GALNT14: variants seen among roughly 807,000 people sequenced by gnomAD.
GALNT14 encodes the protein UDP-GalNAc:polypeptide N-acetylgalactosaminyltransferase 14.
GALNT14 carries 60 observed loss-of-function variants against 77.5 expected under a neutral mutation model. That is an observed-to-expected ratio of 0.77 (90% CI 0.63 to 0.96). GALNT14 has a LOEUF of 0.96. Ranked by LOEUF, GALNT14 falls within the 40% of genes least tolerant of loss-of-function variation. GALNT14 has a pLI of 0.00. For synonymous variants in GALNT14, 280 were observed against 281.7 expected, an observed-to-expected ratio of 0.99 and a Z score of 0.06; for missense variants, 710 against 731.0, an observed-to-expected ratio of 0.97 and a Z score of 0.33.
At chr2:31,045,520 T>C (rs1009012643) in intron 1 of GALNT14, among the ~76,000 whole-genome samples, 1 of 152,212 alleles carries the variant, frequency 6.6e-6, no homozygotes, top group Admixed American at 6.5e-5. Context: ...TGGAGTTCAG[T>C]GGCGCAACCT....
At position 30,929,421 on chromosome 2, in the gene GALNT14, T is replaced by C. The variant is rs1665591524; in HGVS notation, c.1125A>G (p.Pro375=). The stretch of plus-strand genomic sequence containing the variant: ...TCCCGAAGGGCCTCTCCAGGGCGAA[T>C]GGCCGGGCAGCGTAATAGTATTGCT... The part of the protein sequence containing the change: ...EYKQYYYAAR[P]FALERPFGNV... Residue 375 remains proline (P), a synonymous_variant, in exon 11 of 15, where the codon CCA becomes CCG. Coordinates refer to ENST00000349752, the MANE Select transcript of GALNT14 (RefSeq NM_024572.4). 6 of 1,614,154 alleles carry C rather than the reference T, an allele frequency of 3.7e-6. No individual in the cohort carries two copies. Among genetic ancestry groups the C allele is most frequent in the African/African-American group, 2.7e-5 (2 of 75,054 alleles).
chr2:30,996,023 CT>C (rs1670008954), intron 1 of GALNT14, among the ~76,000 whole-genome samples: 1 of 152,160 alleles, frequency 6.6e-6, no homozygotes, highest in South Asian at 2.1e-4. Flanking sequence ...AGCCTTTTTG[CT>C]CTTTTCAGAC....
At position 31,130,744 on chromosome 2, in the gene GALNT14, G is replaced by A. The variant is rs1046981687; in HGVS notation, c.129+7214C>T. Among the ~76,000 whole-genome samples the A allele has an allele frequency of 6.3e-3, 848 of 133,658 alleles. 17 individuals are homozygous for A. Among genetic ancestry groups the A allele is most frequent in the African/African-American group, 0.027 (804 of 30,098 alleles). The allele number at this position is 133,658 out of a possible 152,430, so 87.7% of individuals were successfully genotyped here. A position where few individuals can be genotyped will look rare whatever the true frequency, so the allele number is the denominator to read the frequency against. On this transcript the variant is annotated intron_variant, in intron 1 of 14. Coordinates refer to ENST00000349752, the MANE Select transcript of GALNT14 (RefSeq NM_024572.4). ...TTCCCCAGGGTACCTCTGTGTGTGT[G>A]TGTGTGTGTGTGTGTGTGTGTGTGT...
chr2:31,134,529 G>T (rs1432136026), intron 1 of GALNT14, among the ~76,000 whole-genome samples: 1 of 152,180 alleles, frequency 6.6e-6, no homozygotes, highest in Non-Finnish European at 1.5e-5. Flanking sequence ...CTGGCAAATG[G>T]CCTCCTAAAC....
intron 1 of GALNT14, among the ~76,000 whole-genome samples, chr2:31,100,165 CACTT>C (rs1160549625): frequency 2.0e-5 from 3 of 151,958 alleles, no homozygotes; most frequent in Middle Eastern, 3.2e-3. Flanking sequence ...GGTAAGTCCT[CACTT>C]AACATCATTG....
intron 1 of GALNT14, among the ~76,000 whole-genome samples, chr2:31,051,540 T>C (rs909238283): frequency 5.3e-5 from 8 of 152,172 alleles, no homozygotes; most frequent in Non-Finnish European, 1.2e-4. Context: ...TACCTGCCCT[T>C]CCAGCCTGCT....
intron 1 of GALNT14, among the ~76,000 whole-genome samples, chr2:31,091,190 C>T (rs1184877955): frequency 1.3e-5 from 2 of 152,036 alleles, no homozygotes; most frequent in African/African-American, 4.8e-5. Context: ...CCCATTTCTG[C>T]AGGACAGGGG....
At chr2:30,938,359 TACACACAC>T (rs151007812) in intron 9 of GALNT14, among the ~76,000 whole-genome samples, 34 of 140,882 alleles carry the variant, frequency 2.4e-4, no homozygotes, top group Non-Finnish European at 4.7e-4. Flanking sequence ...AGATTCCTTT[TACACACAC>T]ACACACACAC....
At chr2:31,024,312 C>T (rs989145365) in intron 1 of GALNT14, among the ~76,000 whole-genome samples, 1 of 152,144 alleles carries the variant, frequency 6.6e-6, no homozygotes. Flanking sequence ...CAGATCACAT[C>T]ACATCTTGGC....
intron 1 of GALNT14, among the ~76,000 whole-genome samples, chr2:31,088,892 A>G (rs1396557293): frequency 1.3e-5 from 2 of 152,198 alleles, no homozygotes; most frequent in African/African-American, 2.4e-5. Flanking sequence ...CTGGCTTTAG[A>G]TAAGAGGAGG....
intron 1 of GALNT14, among the ~76,000 whole-genome samples, chr2:31,016,420 A>G (rs1350519135): frequency 6.6e-6 from 1 of 152,176 alleles, no homozygotes; most frequent in Non-Finnish European, 1.5e-5. Flanking sequence ...GAGAAGGGAC[A>G]CAATTCAGGC....
chr2:30,997,058 C>T (rs974074237), intron 1 of GALNT14, among the ~76,000 whole-genome samples: 2 of 152,188 alleles, frequency 1.3e-5, no homozygotes, highest in African/African-American at 4.8e-5. Context: ...CTCACCCAAC[C>T]CCTATATGTG....
At chr2:31,033,427 T>C (rs1672531438) in intron 1 of GALNT14, among the ~76,000 whole-genome samples, 1 of 152,190 alleles carries the variant, frequency 6.6e-6, no homozygotes, top group South Asian at 2.1e-4. Flanking sequence ...TTCAAGCCAA[T>C]TGTTTAACAT....
the GALNT14 span, among the ~76,000 whole-genome samples, chr2:30,896,199 A>G: frequency 6.6e-6 from 1 of 152,242 alleles, no homozygotes; most frequent in Non-Finnish European, 1.5e-5. Flanking sequence ...CAAATGACCC[A>G]TGATGAATGA....
At chr2:31,067,558 G>T (rs1370158763) in intron 1 of GALNT14, among the ~76,000 whole-genome samples, 1 of 152,130 alleles carries the variant, frequency 6.6e-6, no homozygotes, top group Non-Finnish European at 1.5e-5. Flanking sequence ...GTAAAATAGG[G>T]TCCCTGGCTC....
intron 1 of GALNT14, chr2:31,065,374 G>C (rs903219915): frequency 4.6e-5 from 7 of 152,128 alleles, no homozygotes; most frequent in African/African-American, 1.7e-4. Context: ...ATGTGAACTT[G>C]GACAAGTCAG....
At chr2:30,914,677 T>C (rs1664568411) in intron 13 of GALNT14, among the ~76,000 whole-genome samples, 1 of 152,190 alleles carries the variant, frequency 6.6e-6, no homozygotes, top group Admixed American at 6.5e-5. Flanking sequence ...CTACCTTGGC[T>C]GCATATCCAA....
At chr2:30,958,087 C>A (rs1261350325) in intron 4 of GALNT14, among the ~76,000 whole-genome samples, 1 of 152,138 alleles carries the variant, frequency 6.6e-6, no homozygotes, top group Non-Finnish European at 1.5e-5. Flanking sequence ...TGTGTCATGG[C>A]CAGGTGACAG....
At chr2:31,071,416 G>C (rs1308794498) in intron 1 of GALNT14, among the ~76,000 whole-genome samples, 2 of 152,206 alleles carry the variant, frequency 1.3e-5, no homozygotes, top group Non-Finnish European at 2.9e-5. Context: ...ACTTTGAGGA[G>C]AGCAATTAGG....
Sources: gnomAD v4.1 joint callset for allele counts (sites outside exome capture counted in the v4.1 genomes callset) on GRCh38, gnomAD v4.1.1 for gene constraint, MANE v1.5 for transcripts, NCBI Gene and HGNC (gene_info 2026-07-23, HGNC 2026-07-21) for gene names.